The following SNAP25 variants were observed in gnomAD, a reference collection of about 807,000 sequenced individuals.
SNAP25 encodes the protein synaptosomal-associated protein 25.
Under a neutral mutation model 28.7 loss-of-function variants are expected in SNAP25, and 3 were observed. The ratio of observed to expected loss-of-function variants is 0.10; its 90% CI spans 0.05 to 0.27. The LOEUF (loss-of-function observed/expected upper bound fraction) is 0.27. Ranked by LOEUF, SNAP25 falls within the 10% of genes least tolerant of loss-of-function variation. SNAP25 has a pLI of 1.00. For synonymous variants in SNAP25, 61 were observed against 88.1 expected (o/e 0.69, Z 1.72); for missense variants, 117 against 278.7 (o/e 0.42, Z 4.13).
chr20:10,267,331 T>C (rs1212878269), intron 1 of SNAP25, among the ~76,000 whole-genome samples: 2 of 151,676 alleles, frequency 1.3e-5, no homozygotes, highest in African/African-American at 4.8e-5. Flanking sequence ...TTCAAGAAGA[T>C]ATAAAAGGAA....
At chr20:10,272,628 A>C (rs1431737530) in intron 1 of SNAP25, among the ~76,000 whole-genome samples, 2 of 152,232 alleles carry the variant, frequency 1.3e-5, no homozygotes, top group African/African-American at 4.8e-5. Context: ...ATTTAAATAA[A>C]ACACAGTGTT....
chr20:10,292,100 A>G (rs1322666004), intron 4 of SNAP25, among the ~76,000 whole-genome samples: 1 of 152,166 alleles, frequency 6.6e-6, no homozygotes, highest in Non-Finnish European at 1.5e-5. Context: ...CCTACTTCCA[A>G]AGAGACATTC....
intron 1 of SNAP25, among the ~76,000 whole-genome samples, chr20:10,252,441 T>A (rs748893718): frequency 1.3e-5 from 2 of 152,272 alleles, no homozygotes; most frequent in Non-Finnish European, 2.9e-5. Context: ...ATGAAAGTCA[T>A]GTGCTCAATC....
chr20:10,283,075 A>G (rs772321783), intron 3 of SNAP25, among the ~76,000 whole-genome samples: 4 of 152,316 alleles, frequency 2.6e-5, no homozygotes, highest in Admixed American at 1.3e-4. Flanking sequence ...GAGGATTCAT[A>G]TGCACATTCC....
intron 1 of SNAP25, among the ~76,000 whole-genome samples, chr20:10,263,312 C>A (rs889812341): frequency 6.0e-5 from 9 of 151,154 alleles, no homozygotes; most frequent in African/African-American, 2.2e-4. Context: ...AGCCACCGCA[C>A]CAGGCCAACC....
chr20:10,290,657 A>G (rs1312363325), intron 4 of SNAP25, among the ~76,000 whole-genome samples: 1 of 152,116 alleles, frequency 6.6e-6, no homozygotes, highest in Non-Finnish European at 1.5e-5. Flanking sequence ...CAAAAAAAAA[A>G]AAAATTATCA....
At chr20:10,272,711 C>T (rs945442979) in intron 1 of SNAP25, among the ~76,000 whole-genome samples, 3 of 152,184 alleles carry the variant, frequency 2.0e-5, no homozygotes, top group Non-Finnish European at 4.4e-5. Context: ...GCAGGCTCAT[C>T]GTAAGATGCT....
intron 1 of SNAP25, among the ~76,000 whole-genome samples, chr20:10,230,621 T>C (rs1416715781): frequency 1.3e-5 from 2 of 152,112 alleles, no homozygotes; most frequent in Admixed American, 1.3e-4. Context: ...TCCAGGTGAT[T>C]CTGATGCATG....
At chr20:10,255,458 C>T (rs1304003860) in intron 1 of SNAP25, among the ~76,000 whole-genome samples, 1 of 152,160 alleles carries the variant, frequency 6.6e-6, no homozygotes, top group Non-Finnish European at 1.5e-5. Flanking sequence ...CACCCACACA[C>T]ACACATACAC....
intron 1 of SNAP25, among the ~76,000 whole-genome samples, chr20:10,275,014 T>C (rs2063663575): frequency 6.6e-6 from 1 of 151,878 alleles, no homozygotes; most frequent in Non-Finnish European, 1.5e-5. Context: ...TCTCAAGTTG[T>C]ACACTTCAAA....
intron 2 of SNAP25, among the ~76,000 whole-genome samples, chr20:10,275,877 G>A (rs1012591246): frequency 1.3e-5 from 2 of 152,140 alleles, no homozygotes; most frequent in African/African-American, 2.4e-5. Context: ...GCTCAGTTCC[G>A]AGAACAGATT....
At chr20:10,221,051 C>A (rs1420405997) in intron 1 of SNAP25, among the ~76,000 whole-genome samples, 1 of 152,132 alleles carries the variant, frequency 6.6e-6, no homozygotes, top group African/African-American at 2.4e-5. Context: ...TTGCAATCTG[C>A]AGACAAAAAT....
chr20:10,296,797 C>T (rs1259009843), intron 5 of SNAP25, 128 bp from the exon 6 acceptor site: 13 of 1,381,478 alleles, frequency 9.4e-6, no homozygotes, highest in South Asian at 2.7e-5. Context: ...TATGATATAT[C>T]GGTATTATCT....
intron 1 of SNAP25, among the ~76,000 whole-genome samples, chr20:10,263,937 G>A (rs2063463416): frequency 6.6e-6 from 1 of 152,158 alleles, no homozygotes; most frequent in South Asian, 2.1e-4. Flanking sequence ...CCTGGTCAGT[G>A]AGGCTGCTGT....
At chr20:10,269,003 G>A (rs1028946417) in intron 1 of SNAP25, among the ~76,000 whole-genome samples, 16 of 107,232 alleles carry the variant, frequency 1.5e-4, no homozygotes, top group African/African-American at 6.9e-4. Context: ...CTATAACCTT[G>A]CAATCAATCA....
chr20:10,227,447 T>C (rs976712835), intron 1 of SNAP25, among the ~76,000 whole-genome samples: 2 of 152,150 alleles, frequency 1.3e-5, no homozygotes, highest in Non-Finnish European at 2.9e-5. Context: ...CTGTAAGTAA[T>C]CCTGCTTTTT....
chr20:10,237,474 A>T (rs2062944309), intron 1 of SNAP25, among the ~76,000 whole-genome samples: 1 of 152,178 alleles, frequency 6.6e-6, no homozygotes, highest in South Asian at 2.1e-4. Context: ...CCAAGGGTAT[A>T]TGGTGGGCAC....
chr20:10,297,578 T>C (rs981745373), intron 6 of SNAP25, among the ~76,000 whole-genome samples: 1 of 152,214 alleles, frequency 6.6e-6, no homozygotes, highest in Admixed American at 6.5e-5. Context: ...AGCAGGAAGT[T>C]GTTACCACCA....
intron 7 of SNAP25, 142 bp downstream of exon 7, chr20:10,299,554 A>G: frequency 1.1e-6 from 1 of 876,578 alleles, no homozygotes; most frequent in Non-Finnish European, 1.7e-6. Context: ...TTCATTTTCC[A>G]AGAGAAAAAT....
Sources: gnomAD v4.1 joint callset for allele counts (sites outside exome capture counted in the v4.1 genomes callset) on GRCh38, gnomAD v4.1.1 for gene constraint, MANE v1.5 for transcripts, NCBI Gene and HGNC (gene_info 2026-07-23, HGNC 2026-07-21) for gene names.